FRMD4A: variants seen among roughly 807,000 people sequenced by gnomAD.
FRMD4A encodes the protein FERM domain containing 4A.
Under a neutral mutation model 129.1 loss-of-function variants are expected in FRMD4A, and 29 were observed. That is an observed-to-expected ratio of 0.22 (90% confidence interval 0.17 to 0.31). FRMD4A has a LOEUF of 0.31. Ranked by LOEUF, FRMD4A falls within the 10% of genes least tolerant of loss-of-function variation. FRMD4A has a pLI of 1.00. For synonymous variants in FRMD4A, 634 were observed against 571.6 expected, an observed-to-expected ratio of 1.11 and a Z score of -1.56; for missense variants, 1,272 against 1,375.8, an observed-to-expected ratio of 0.92 and a Z score of 1.19.
At chr10:13,941,504 C>T (rs1285290640) in intron 2 of FRMD4A, among the ~76,000 whole-genome samples, 2 of 152,064 alleles carry the variant, frequency 1.3e-5, no homozygotes, top group African/African-American at 4.8e-5. Flanking sequence ...AAATGGCAGC[C>T]CAAGGAACTA....
intron 2 of FRMD4A, among the ~76,000 whole-genome samples, chr10:13,891,429 A>C (rs2698131): frequency 0.99 from 150,944 of 152,232 alleles, 74,850 homozygotes; most frequent in Non-Finnish European, 1. Context: ...AGGGTTGCAG[A>C]AGAAAGCACA....
intron 2 of FRMD4A, among the ~76,000 whole-genome samples, chr10:14,268,414 C>T (rs971217193): frequency 1.7e-4 from 26 of 152,306 alleles, no homozygotes; most frequent in African/African-American, 6.0e-4. Context: ...ACACCTTAGA[C>T]GCTCTTTATC....
Position 13,654,478 on chromosome 10 carries a change from C to A in FRMD4A, c.2988G>T (p.Pro996=). The A allele has an allele frequency of 6.2e-7, 1 of 1,613,784 alleles. No individual in the cohort carries two copies. The highest frequency in any genetic ancestry group is 8.5e-7 in the Non-Finnish European group (1 of 1,179,714). The stretch of plus-strand genomic sequence containing the variant: ...GGGGGGTGGCTCCAATTTCACTTGA[C>A]GGTGTCGAGCTTCTCTGGCTTTGAG... ...ALPQSQRSST[P]SSEIGATPPS... The change falls in exon 23 of 25, where the codon CCG becomes CCT. Residue 996 remains proline (P), a synonymous_variant. Coordinates refer to ENST00000357447, the MANE Select transcript of FRMD4A (RefSeq NM_018027.5).
At chr10:14,224,257 T>G (rs965885477) in intron 2 of FRMD4A, among the ~76,000 whole-genome samples, 1 of 152,254 alleles carries the variant, frequency 6.6e-6, no homozygotes, top group Non-Finnish European at 1.5e-5. Flanking sequence ...CTAAAAGTGT[T>G]GCAGACACCT....
At chr10:13,671,886 G>C (rs2083537552) in intron 16 of FRMD4A, among the ~76,000 whole-genome samples, 1 of 152,278 alleles carries the variant, frequency 6.6e-6, no homozygotes, top group African/African-American at 2.4e-5. Context: ...GCTGCACAAA[G>C]ACTGAAGGAG....
chr10:13,884,114 ACACACACTCACACACACGCT>A lies in FRMD4A; in HGVS notation c.46-25222_46-25203del, dbSNP rs1346052389. ...TGCAATGGAAAAGAAACACACACAC[ACACACACTCACACACACGCT>A]CACACACACTCTCACACACTCTCAC... On this transcript the variant is annotated intron_variant, in intron 2 of 24. Coordinates refer to ENST00000357447, the MANE Select transcript of FRMD4A (RefSeq NM_018027.5). 2.0e-3 allele frequency among the ~76,000 whole-genome samples: 228 copies of A among 112,180 alleles called. 4 individuals carry two copies. The highest frequency in any genetic ancestry group is 5.6e-3 in the African/African-American group (136 of 24,382). The allele number at this position is 112,180 out of a possible 152,430, so 73.6% of individuals were successfully genotyped here. A position where few individuals can be genotyped will look rare whatever the true frequency, so the allele number is the denominator to read the frequency against.
At chr10:14,189,126 G>C (rs1439347582) in intron 2 of FRMD4A, among the ~76,000 whole-genome samples, 1 of 152,160 alleles carries the variant, frequency 6.6e-6, no homozygotes, top group African/African-American at 2.4e-5. Flanking sequence ...TATAGACAGT[G>C]AGAGCTTAAC....
intron 2 of FRMD4A, among the ~76,000 whole-genome samples, chr10:14,004,873 G>A (rs2095656212): frequency 6.6e-6 from 1 of 152,136 alleles, no homozygotes; most frequent in African/African-American, 2.4e-5. Flanking sequence ...GCTGCTTTCT[G>A]TAGCACCTAA....
At chr10:14,175,340 T>C (rs1841679744) in intron 2 of FRMD4A, among the ~76,000 whole-genome samples, 1 of 152,140 alleles carries the variant, frequency 6.6e-6, no homozygotes. Context: ...AGCCACTCTG[T>C]CCTCCAGATG....
intron 8 of FRMD4A, among the ~76,000 whole-genome samples, chr10:13,750,565 C>T (rs1328158665): frequency 3.3e-5 from 5 of 152,054 alleles, no homozygotes; most frequent in South Asian, 4.1e-4. Context: ...TGGGGGAGGC[C>T]GTGCACGAAG....
intron 17 of FRMD4A, among the ~76,000 whole-genome samples, chr10:13,669,333 A>G (rs1326382694): frequency 1.3e-5 from 2 of 152,088 alleles, no homozygotes; most frequent in Non-Finnish European, 2.9e-5. Flanking sequence ...AAGTGCTGGG[A>G]TTTTGCAGCG....
intron 2 of FRMD4A, among the ~76,000 whole-genome samples, chr10:13,949,252 G>C (rs2095355036): frequency 7.1e-6 from 1 of 141,182 alleles, no homozygotes. Flanking sequence ...GTTGGCCCTG[G>C]TATGGGTGAA....
intron 2 of FRMD4A, among the ~76,000 whole-genome samples, chr10:14,224,625 C>G (rs952199091): frequency 3.9e-5 from 6 of 152,016 alleles, no homozygotes; most frequent in Non-Finnish European, 8.8e-5. Context: ...GCAAGTCAGC[C>G]TACGTGGATA....
In FRMD4A at chr10:13,657,119, T is replaced by A. The variant is rs1434617853; in HGVS notation, c.2470A>T (p.Ser824Cys). 1.3e-6 allele frequency: 2 copies of A among 1,553,058 alleles called. No homozygotes were observed. The highest frequency in any genetic ancestry group is 2.8e-5 in the African/African-American group (2 of 71,928). Reference sequence around the variant, plus strand: ...TACTGCGAGCTGGGCTGGCTCTGGCTGTGCAGGTACACACCGCCCCCCGCG... The same window carrying A: ...TACTGCGAGCTGGGCTGGCTCTGGCAGTGCAGGTACACACCGCCCCCCGCG... Reference protein sequence around the residue: ...GGAGGGVYLHSQSQPSSQYRI... With the variant: ...GGAGGGVYLHCQSQPSSQYRI... Residue 824 changes from serine to cysteine, a missense_variant, in exon 22 of 25, where the codon AGC becomes TGC. By Grantham distance (112) the Ser-to-Cys change is moderately radical. Transcript: ENST00000357447.
intron 16 of FRMD4A, among the ~76,000 whole-genome samples, chr10:13,673,887 T>C (rs1320076562): frequency 6.7e-6 from 1 of 148,468 alleles, no homozygotes; most frequent in African/African-American, 2.5e-5. Flanking sequence ...GCGATCCTCC[T>C]GCCTCACTCT....
rs753705503 is a variant in FRMD4A, at chr10:13,740,223, T to A, written c.643A>T (p.Thr215Ser). 1.7e-5 allele frequency: 27 copies of A among 1,609,950 alleles called. No homozygotes were observed. In the South Asian group the frequency reaches 2.7e-4, roughly 16 times the overall value. ...ACTGCATAATAGTGAACCCCGTAGG[T>A]TGGGAGAGACTCCACGATGCTCATG... ...NYMSIVESLP[T>S]YGVHYYAVKD... Residue 215 changes from threonine to serine, a missense_variant, in exon 11 of 25, where the codon ACC (threonine) becomes TCC (serine). This residue lies in a region of FRMD4A where 300 missense variants were observed against 483.6 expected (regional missense o/e 0.62). Coordinates refer to ENST00000357447, the MANE Select transcript of FRMD4A (RefSeq NM_018027.5).
chr10:13,707,269 C>CACAT, intron 12 of FRMD4A, 156 bp from the exon 13 acceptor site: 1 of 787,440 alleles, frequency 1.3e-6, no homozygotes, highest in East Asian at 2.7e-5. Context: ...CACACACACA[C>CACAT]ACATACACAC....
intron 2 of FRMD4A, among the ~76,000 whole-genome samples, chr10:13,864,350 A>AG (rs1937249736): frequency 6.6e-6 from 1 of 150,834 alleles, no homozygotes; most frequent in Admixed American, 6.6e-5. Flanking sequence ...AAAAAAAAAA[A>AG]AAAAGAAAAA....
intron 2 of FRMD4A, among the ~76,000 whole-genome samples, chr10:14,237,359 C>T (rs971522884): frequency 6.6e-6 from 1 of 152,050 alleles, no homozygotes; most frequent in South Asian, 2.1e-4. Flanking sequence ...GAGATGGTGT[C>T]ACACTCTGTC....
Sources: gnomAD v4.1 joint callset for allele counts (sites outside exome capture counted in the v4.1 genomes callset) on GRCh38, gnomAD v4.1.1 for gene constraint, gnomAD v4.1.1 regional missense constraint, MANE v1.5 for transcripts, NCBI Gene and HGNC (gene_info 2026-07-23, HGNC 2026-07-21) for gene names.